TMPRSS11D: variants seen among roughly 807,000 people sequenced by gnomAD.
The protein encoded by TMPRSS11D is transmembrane serine protease 11D.
In TMPRSS11D, 32 loss-of-function variants were observed where a neutral mutation model predicts 44.4. That is an observed-to-expected ratio of 0.72 (90% CI 0.54 to 0.97). The LOEUF is 0.97. Among genes scored for constraint, TMPRSS11D ranks in the 50% least tolerant of loss-of-function variants. The pLI is 0.00. For synonymous variants in TMPRSS11D, 179 were observed against 177.9 expected, an observed-to-expected ratio of 1.01 and a Z score of -0.05; for missense variants, 446 against 502.6, an observed-to-expected ratio of 0.89 and a Z score of 1.08.
chr4:67,858,762 GA>G (rs1002223773), intron 2 of TMPRSS11D, among the ~76,000 whole-genome samples: 17 of 151,978 alleles, frequency 1.1e-4, no homozygotes, highest in East Asian at 3.9e-4. Context: ...TATTTTAAGT[GA>G]AAAAAATTCT....
Position 67,838,205 on chromosome 4 carries a change from T to C in TMPRSS11D, c.442A>G (p.Asn148Asp). The change falls in exon 5 of 10, where the codon AAC (asparagine) becomes GAC (aspartate). Residue 148 changes from asparagine to aspartate, a missense_variant. By Grantham distance (23) the Asn-to-Asp change is conservative (BLOSUM62 1). Transcript: ENST00000283916. Reference sequence around the variant, plus strand: ...TCAGTTGAAGGGTTTATTTCCAGGTTTCCAGAGTTATTCAGCATTTGTCGT... The same window carrying C: ...TCAGTTGAAGGGTTTATTTCCAGGTCTCCAGAGTTATTCAGCATTTGTCGT... ...VLRQMLNNSG[N>D]LEINPSTEIT... 1 of 1,585,338 alleles carries C rather than the reference T, an allele frequency of 6.3e-7. No individual in the cohort carries two copies. The highest frequency in any genetic ancestry group is 2.3e-5 in the East Asian group (1 of 43,318).
At chr4:67,856,458 CT>C (rs1718638090) in intron 2 of TMPRSS11D, among the ~76,000 whole-genome samples, 1 of 152,090 alleles carries the variant, frequency 6.6e-6, no homozygotes, top group African/African-American at 2.4e-5. Flanking sequence ...ACCCTTATCT[CT>C]CACTATATAC....
chr4:67,842,289 C>T (rs752194568), intron 4 of TMPRSS11D, among the ~76,000 whole-genome samples: 1 of 152,112 alleles, frequency 6.6e-6, no homozygotes, highest in Non-Finnish European at 1.5e-5. Context: ...AATAGGATGG[C>T]CTTGTTACTG....
intron 4 of TMPRSS11D, among the ~76,000 whole-genome samples, chr4:67,840,124 A>AT (rs932496112): frequency 6.6e-6 from 1 of 151,962 alleles, no homozygotes; most frequent in African/African-American, 2.4e-5. Flanking sequence ...TAAGCATACA[A>AT]TTTCAGTGGT....
At chr4:67,822,558 A>G in intron 9 of TMPRSS11D, 60 bp from the exon 10 acceptor site, 1 of 1,580,200 alleles carries the variant, frequency 6.3e-7, no homozygotes, top group Non-Finnish European at 8.7e-7. Context: ...AATATTAAGG[A>G]GTTTATTTCT....
At chr4:67,877,311 G>C (rs1392249293) in intron 1 of TMPRSS11D, among the ~76,000 whole-genome samples, 1 of 152,034 alleles carries the variant, frequency 6.6e-6, no homozygotes, top group Non-Finnish European at 1.5e-5. Flanking sequence ...TCAAATTTTT[G>C]TGTGCGTAAG....
At chr4:67,862,469 CT>C (rs1373934307) in intron 1 of TMPRSS11D, among the ~76,000 whole-genome samples, 2 of 152,190 alleles carry the variant, frequency 1.3e-5, no homozygotes, top group African/African-American at 4.8e-5. Flanking sequence ...CCTGACCTCA[CT>C]TGGGGGAAGC....
intron 1 of TMPRSS11D, among the ~76,000 whole-genome samples, chr4:67,874,246 T>C (rs1384586778): frequency 6.6e-6 from 1 of 152,172 alleles, no homozygotes; most frequent in African/African-American, 2.4e-5. Context: ...CAAAATCGCC[T>C]AACGATGCAT....
intron 1 of TMPRSS11D, among the ~76,000 whole-genome samples, chr4:67,882,196 C>A (rs1719336467): frequency 6.6e-6 from 1 of 152,112 alleles, no homozygotes; most frequent in Non-Finnish European, 1.5e-5. Context: ...CCATCCAAGG[C>A]AGCCAATTTT....
chr4:67,880,233 G>A (rs560094373), intron 1 of TMPRSS11D, among the ~76,000 whole-genome samples: 1 of 152,076 alleles, frequency 6.6e-6, no homozygotes, highest in African/African-American at 2.4e-5. Flanking sequence ...TAGATGTCTC[G>A]TACCAAGAGG....
At chr4:67,853,582 C>T (rs1718559505) in intron 3 of TMPRSS11D, among the ~76,000 whole-genome samples, 1 of 152,184 alleles carries the variant, frequency 6.6e-6, no homozygotes, top group Non-Finnish European at 1.5e-5. Flanking sequence ...AGGCTCTCTT[C>T]AAGTTAGAGC....
chr4:67,823,066 C>T (rs1460372581), intron 9 of TMPRSS11D, among the ~76,000 whole-genome samples: 1 of 152,156 alleles, frequency 6.6e-6, no homozygotes, highest in Non-Finnish European at 1.5e-5. Context: ...CCCAGATATA[C>T]TATAAGGTCC....
At chr4:67,841,666 T>G (rs1718233957) in intron 4 of TMPRSS11D, among the ~76,000 whole-genome samples, 2 of 152,160 alleles carry the variant, frequency 1.3e-5, no homozygotes, top group African/African-American at 2.4e-5. Flanking sequence ...TGAACATTAG[T>G]GGCTGATACA....
intron 9 of TMPRSS11D, among the ~76,000 whole-genome samples, chr4:67,824,166 T>C (rs1455153467): frequency 6.0e-5 from 9 of 149,992 alleles, no homozygotes; most frequent in Non-Finnish European, 7.4e-5. Flanking sequence ...GTGTGAACTA[T>C]GCATTATAGT....
chr4:67,863,795 T>C (rs903798602), intron 1 of TMPRSS11D, among the ~76,000 whole-genome samples: 1 of 152,108 alleles, frequency 6.6e-6, no homozygotes, highest in Non-Finnish European at 1.5e-5. Context: ...TAAAATAAAA[T>C]GGTGTATATA....
chr4:67,872,893 T>C (rs959499259), intron 1 of TMPRSS11D, among the ~76,000 whole-genome samples: 5 of 152,226 alleles, frequency 3.3e-5, no homozygotes, highest in African/African-American at 1.2e-4. Context: ...TTACTTCTTA[T>C]ACAATTTAAA....
chr4:67,873,712 G>T (rs1037399241), intron 1 of TMPRSS11D, among the ~76,000 whole-genome samples: 1 of 152,102 alleles, frequency 6.6e-6, no homozygotes, highest in African/African-American at 2.4e-5. Flanking sequence ...TTTCCAACAA[G>T]CTCCCAGGTG....
intron 1 of TMPRSS11D, among the ~76,000 whole-genome samples, chr4:67,870,739 G>A (rs1409308157): frequency 5.2e-5 from 4 of 76,978 alleles, no homozygotes; most frequent in Admixed American, 3.4e-4. Flanking sequence ...GCGTGAACCC[G>A]GGAGGCGGAG....
At chr4:67,823,928 G>T (rs1717716776) in intron 9 of TMPRSS11D, among the ~76,000 whole-genome samples, 1 of 152,072 alleles carries the variant, frequency 6.6e-6, no homozygotes, top group Non-Finnish European at 1.5e-5. Context: ...TATCTAGCCA[G>T]CTTCACTGCT....
Sources: gnomAD v4.1 joint callset for allele counts (sites outside exome capture counted in the v4.1 genomes callset) on GRCh38, gnomAD v4.1.1 for gene constraint, MANE v1.5 for transcripts, NCBI Gene and HGNC (gene_info 2026-07-23, HGNC 2026-07-21) for gene names.